Variants in NOXRED1 observed in about 807,000 individuals in gnomAD.
NOXRED1 encodes NADP dependent oxidoreductase domain containing 1.
A neutral mutation model predicts 30.4 loss-of-function variants in NOXRED1; 20 were observed. The ratio of observed to expected loss-of-function variants is 0.66; its 90% CI spans 0.46 to 0.96. The LOEUF is 0.96. NOXRED1 is among the 40% of genes least tolerant of loss of function. The pLI is 0.00. For missense variants in NOXRED1, 374 were observed against 428.0 expected (o/e 0.87, Z 1.11); for synonymous variants, 155 against 168.0 (o/e 0.92, Z 0.60).
At position 77,407,583 on chromosome 14, in the gene NOXRED1, C is replaced by G. The variant is rs771297152; in HGVS notation, c.412G>C (p.Asp138His). 1.2e-5 allele frequency: 19 copies of G among 1,613,984 alleles called. No homozygotes were observed. Among genetic ancestry groups the G allele is most frequent in the Non-Finnish European group, 1.6e-5 (19 of 1,179,856 alleles). Reference sequence around the variant, plus strand: ...GGCAAGCAGCAGAGGAATATCACATCGGCCCAACTCACCAGATCAGCGTTA... The same window carrying G: ...GGCAAGCAGCAGAGGAATATCACATGGGCCCAACTCACCAGATCAGCGTTA... Reference protein sequence around the residue: ...YHNADLVSWADVIFLCCLPSQ... With the variant: ...YHNADLVSWAHVIFLCCLPSQ... Residue 138 changes from aspartate (D) to histidine (H), a missense_variant, in exon 3 of 6, where the codon GAT becomes CAT. Asp to His is a moderately conservative substitution (Grantham distance 81). Coordinates refer to ENST00000380835, the MANE Select transcript of NOXRED1 (RefSeq NM_001113475.3).
chr14:77,407,008 G>T, intron 3 of NOXRED1, 133 bp from the exon 4 acceptor site: 2 of 746,002 alleles, frequency 2.7e-6, no homozygotes, highest in Non-Finnish European at 4.4e-6. Context: ...GTCTGGGTCT[G>T]TGCTGAGAGC....
At chr14:77,396,972 T>C (rs1894205521) in intron 5 of NOXRED1, among the ~76,000 whole-genome samples, 1 of 152,240 alleles carries the variant, frequency 6.6e-6, no homozygotes. Context: ...CTGGTACTAC[T>C]GTGAAAAACA....
Position 77,414,079 on chromosome 14 carries a change from G to A in NOXRED1, c.204C>T (p.Ser68=), listed in dbSNP as rs567570403. 3 of 1,607,480 alleles carry A rather than the reference G, an allele frequency of 1.9e-6. No individual in the cohort carries two copies. The highest frequency in any genetic ancestry group is 2.7e-5 in the African/African-American group (2 of 74,886). Residue 68 remains serine (S), a synonymous_variant, in exon 2 of 6, where the codon TCC becomes TCT. Coordinates refer to ENST00000380835, the MANE Select transcript of NOXRED1 (RefSeq NM_001113475.3). Reference sequence around the variant, plus strand: ...ACTCTTCAGGAGTGGCTGAATTAAGGGAGCCAATTGAGAGATGTCTGGAAC... The same window carrying A: ...ACTCTTCAGGAGTGGCTGAATTAAGAGAGCCAATTGAGAGATGTCTGGAAC... ...NQSSRHLSIG[S]LNSATPEEFK... is the part of the protein sequence containing the mutation.
rs142994364 is a variant in NOXRED1 at position 77,401,824 on chromosome 14, G to T, written c.905+4089C>A. On this transcript the variant is annotated intron_variant, in intron 5 of 5. Transcript: ENST00000380835. ...AAGCTACAGTAATCATGACAGTGCA[G>T]TATTGGTGAAAGACAAATAGAGTGG... is the stretch of plus-strand genomic sequence containing the variant. Among the ~76,000 whole-genome samples the T allele has an allele frequency of 5.9e-3, 892 of 152,302 alleles. 5 individuals carry two copies. The highest frequency in any genetic ancestry group is 0.02 in the African/African-American group (844 of 41,556).
At chr14:77,406,319 T>G in intron 4 of NOXRED1, 184 bp from the exon 5 acceptor site, 1 of 604,406 alleles carries the variant, frequency 1.7e-6, no homozygotes, top group South Asian at 2.0e-5. Flanking sequence ...TTATAACACA[T>G]CATGTGTTGA....
At chr14:77,401,692 C>T (rs1397094445) in intron 5 of NOXRED1, among the ~76,000 whole-genome samples, 4 of 152,166 alleles carry the variant, frequency 2.6e-5, no homozygotes. Flanking sequence ...GGCAGCAGAG[C>T]AAGACCTTGT....
At chr14:77,424,336 G>A (rs756293610), upstream of NOXRED1, among the ~76,000 whole-genome samples, 1 of 152,156 alleles carries the variant, frequency 6.6e-6, no homozygotes, top group Non-Finnish European at 1.5e-5. Flanking sequence ...GTGGTGGCAC[G>A]TCTGTAATCT....
At chr14:77,406,181 T>G in intron 4 of NOXRED1, 46 bp from the exon 5 acceptor site, 1 of 1,386,974 alleles carries the variant, frequency 7.2e-7, no homozygotes. Flanking sequence ...CCACCAAAAA[T>G]GAGTTGCAGA....
Position 77,394,721 on chromosome 14 carries a change from T to C in NOXRED1, c.990A>G (p.Gln330=), listed in dbSNP as rs1894134915. The C allele has an allele frequency of 1.2e-6, 2 of 1,613,370 alleles. No individual in the cohort carries two copies. The highest frequency in any genetic ancestry group is 1.7e-6 in the Non-Finnish European group (2 of 1,179,308). ...CACAGTATAGATGGGTAAGGTGGTC[T>C]TGGAGAACAGGACTACTTGAGAGAT... ...SQHLSSSPVL[Q]DHLTHLYCAS... Residue 330 remains glutamine (Q), a synonymous_variant, in exon 6 of 6, where the codon CAA becomes CAG. Transcript: ENST00000380835.
At chr14:77,401,637 T>C (rs537827799) in intron 5 of NOXRED1, among the ~76,000 whole-genome samples, 6 of 152,074 alleles carry the variant, frequency 3.9e-5, no homozygotes, top group East Asian at 1.9e-4. Flanking sequence ...GCCCAGAAGG[T>C]TGAGGATGCA....
intron 5 of NOXRED1, among the ~76,000 whole-genome samples, chr14:77,404,901 TC>T (rs1442392589): frequency 6.6e-6 from 1 of 152,120 alleles, no homozygotes; most frequent in Non-Finnish European, 1.5e-5. Flanking sequence ...TTATCAAAGA[TC>T]AAAAATATTT....
intron 1 of NOXRED1, among the ~76,000 whole-genome samples, chr14:77,419,466 T>C (rs1594882377): frequency 8.7e-6 from 1 of 115,274 alleles, no homozygotes; most frequent in African/African-American, 3.0e-5. Context: ...TTTTTTTTTT[T>C]GAGACAGAGT....
At chr14:77,411,479 A>AAAAC (rs1894650071) in intron 2 of NOXRED1, among the ~76,000 whole-genome samples, 3 of 85,298 alleles carry the variant, frequency 3.5e-5, no homozygotes, top group African/African-American at 1.4e-4. Flanking sequence ...CAAAAAAAAA[A>AAAAC]AAAAAAAAAA....
At chr14:77,415,788 C>T (rs1157545022) in intron 1 of NOXRED1, among the ~76,000 whole-genome samples, 4 of 151,494 alleles carry the variant, frequency 2.6e-5, no homozygotes, top group African/African-American at 9.7e-5. Context: ...CAGCTCACTG[C>T]AACCTCCACC....
At chr14:77,416,013 C>T (rs922851547) in intron 1 of NOXRED1, among the ~76,000 whole-genome samples, 5 of 152,260 alleles carry the variant, frequency 3.3e-5, no homozygotes, top group East Asian at 1.9e-4. Context: ...CCACACCCGA[C>T]CTGAAACTCT....
chr14:77,397,365 T>C (rs75907717), intron 5 of NOXRED1, among the ~76,000 whole-genome samples: 4,004 of 152,256 alleles, frequency 0.026, 179 homozygotes, highest in African/African-American at 0.092. Flanking sequence ...AAGAACACAT[T>C]AGAAGTTACC....
At chr14:77,406,264 A>G (rs912259528) in intron 4 of NOXRED1, 129 bp from the exon 5 acceptor site, 7 of 642,744 alleles carry the variant, frequency 1.1e-5, no homozygotes, top group Admixed American at 2.7e-5. Flanking sequence ...GAACCACAAG[A>G]TAAGCAAACA....
At chr14:77,405,720 A>AG (rs371680784) in intron 5 of NOXRED1, among the ~76,000 whole-genome samples, 193 bp downstream of exon 5, 264 of 152,380 alleles carry the variant, frequency 1.7e-3, no homozygotes, top group African/African-American at 5.9e-3. Flanking sequence ...AAAAACTGTT[A>AG]GAGGTGAAAT....
At chr14:77,410,553 G>A (rs1187354828) in intron 2 of NOXRED1, among the ~76,000 whole-genome samples, 2 of 152,120 alleles carry the variant, frequency 1.3e-5, no homozygotes, top group Non-Finnish European at 2.9e-5. Context: ...GGAGGTTGTA[G>A]TGAGCCGAGA....
Sources: gnomAD v4.1 joint callset for allele counts (sites outside exome capture counted in the v4.1 genomes callset) on GRCh38, gnomAD v4.1.1 for gene constraint, MANE v1.5 for transcripts, NCBI Gene and HGNC (gene_info 2026-07-23, HGNC 2026-07-21) for gene names.